Variants in SMARCA2 observed in about 807,000 individuals in gnomAD.
SMARCA2 encodes SWI/SNF-related matrix-associated actin-dependent regulator of chromatin subfamily A member 2.
SMARCA2 carries 61 observed loss-of-function variants against 199.8 expected under a neutral mutation model. That is an observed-to-expected ratio of 0.31 (90% confidence interval 0.25 to 0.38). The LOEUF (loss-of-function observed/expected upper bound fraction) is 0.38. Among genes scored for constraint, SMARCA2 ranks in the 10% least tolerant of loss-of-function variants. SMARCA2 has a pLI of 1.00. For synonymous variants in SMARCA2, 935 were observed against 732.0 expected (o/e 1.28, Z -4.48); for missense variants, 1,344 against 2,012.2 (o/e 0.67, Z 6.35).
chr9:2,098,818 G>A (rs1033965066), intron 21 of SMARCA2, among the ~76,000 whole-genome samples: 7 of 151,994 alleles, frequency 4.6e-5, no homozygotes, highest in African/African-American at 7.3e-5. Context: ...GTCGTGGCAG[G>A]CACCTGTAAT....
chr9:2,098,834 C>A (rs1452539723), intron 21 of SMARCA2, among the ~76,000 whole-genome samples: 1 of 151,836 alleles, frequency 6.6e-6, no homozygotes, highest in East Asian at 1.9e-4. Flanking sequence ...GTAATCCTAG[C>A]TATTCAGGAG....
intron 29 of SMARCA2, among the ~76,000 whole-genome samples, chr9:2,176,630 C>T (rs771067901): frequency 2.6e-5 from 4 of 152,134 alleles, no homozygotes; most frequent in East Asian, 1.9e-4. Flanking sequence ...CAGCTCGCTG[C>T]GACCTCTGCC....
chr9:2,025,754 A>G (rs1383939416), intron 1 of SMARCA2, among the ~76,000 whole-genome samples: 1 of 152,166 alleles, frequency 6.6e-6, no homozygotes, highest in Non-Finnish European at 1.5e-5. Flanking sequence ...AGGTTTCTTC[A>G]TACTGTGGGA....
intron 27 of SMARCA2, among the ~76,000 whole-genome samples, chr9:2,126,060 G>C (rs35722495): frequency 0.089 from 13,616 of 152,188 alleles, 1,139 homozygotes; most frequent in African/African-American, 0.23. Flanking sequence ...GAAAATGAAA[G>C]TACAGCCTTA....
intron 21 of SMARCA2, among the ~76,000 whole-genome samples, chr9:2,098,959 A>AG (rs1554625879): frequency 6.6e-6 from 1 of 151,280 alleles, no homozygotes; most frequent in Non-Finnish European, 1.5e-5. Flanking sequence ...AAAAAAAAAA[A>AG]AAAGTCACAG....
chr9:2,110,217 G>A lies in SMARCA2; in HGVS notation c.3293-37G>A, dbSNP rs934227266. 1 of 1,536,322 alleles carries A rather than the reference G, an allele frequency of 6.5e-7. No individual in the cohort carries two copies. On this transcript the variant is annotated intron_variant, in intron 23 of 33. Transcript: ENST00000349721. The surrounding 1 kb of genome is among the most constrained non-coding windows in gnomAD (Gnocchi z 4.8). Reference sequence around the variant, plus strand: ...CTCATTCTGTGCCATTTTCAGACAAGAGTTAATTGGCAAATTAATTTTTCT... The same window carrying A: ...CTCATTCTGTGCCATTTTCAGACAAAAGTTAATTGGCAAATTAATTTTTCT...
In SMARCA2 at chr9:2,029,219, C is replaced by A; in HGVS notation, c.197C>A (p.Pro66Gln). 6.2e-7 allele frequency: 1 copy of A among 1,612,520 alleles called. No individual in the cohort carries two copies. Among genetic ancestry groups the A allele is most frequent in the South Asian group, 1.1e-5 (1 of 90,666 alleles). The change falls in exon 2 of 34, where the codon CCA (proline) becomes CAA (glutamine). Residue 66 changes from proline to glutamine, a missense_variant. This residue lies in a region of SMARCA2 where 275 missense variants were observed against 247.5 expected (regional missense o/e 1.11). Transcript: ENST00000349721. ...PMPTMGSTDFPQEGMHQMHKP... is the reference protein window; with the variant it reads ...PMPTMGSTDFQQEGMHQMHKP... ...CCGACGATGGGGTCCACAGACTTCC[C>A]ACAGGAAGGCATGCATCAAATGCAT... is the stretch of plus-strand genomic sequence containing the variant.
chr9:2,092,296 C>T (rs748496574), intron 19 of SMARCA2, among the ~76,000 whole-genome samples: 13 of 152,116 alleles, frequency 8.5e-5, no homozygotes, highest in Non-Finnish European at 1.6e-4. Context: ...AATCCTGATT[C>T]TGATATAATT....
At chr9:2,132,275 C>G (rs945489192) in intron 27 of SMARCA2, among the ~76,000 whole-genome samples, 9 of 152,210 alleles carry the variant, frequency 5.9e-5, no homozygotes, top group African/African-American at 2.2e-4. Context: ...GGATTTTTCT[C>G]TGCCTAGAGA....
intron 10 of SMARCA2, chr9:2,072,047 G>GT (rs948093153): frequency 1.3e-5 from 2 of 152,170 alleles, no homozygotes; most frequent in African/African-American, 4.8e-5. Context: ...TGTTGAGGGT[G>GT]TAAGGGGAAA....
At chr9:2,067,997 T>C (rs887718936) in intron 9 of SMARCA2, among the ~76,000 whole-genome samples, 2 of 152,232 alleles carry the variant, frequency 1.3e-5, no homozygotes, top group African/African-American at 4.8e-5. Flanking sequence ...ATATTTGAAA[T>C]TGGCTTATTC....
intron 33 of SMARCA2, chr9:2,192,364 T>C (rs911681903): frequency 7.1e-6 from 2 of 282,178 alleles, no homozygotes; most frequent in African/African-American, 4.6e-5. Context: ...CTTTAGGAGA[T>C]GTCAAATGCA....
chr9:2,086,921 C>T lies in SMARCA2; in HGVS notation c.2619C>T (p.Ala873=), dbSNP rs1821824987. 1 of 1,614,022 alleles carries T rather than the reference C, an allele frequency of 6.2e-7. No individual in the cohort carries two copies. The highest frequency in any genetic ancestry group is 1.3e-5 in the African/African-American group (1 of 74,916). The change falls in exon 18 of 34, where the codon GCC becomes GCT. Residue 873 remains alanine, a synonymous_variant. Coordinates refer to ENST00000349721, the MANE Select transcript of SMARCA2 (RefSeq NM_003070.5). The surrounding 1 kb of genome is among the most constrained non-coding windows in gnomAD (Gnocchi z 4.3). The stretch of plus-strand genomic sequence containing the variant: ...AGGTCTTGAACACTCACTATGTGGC[C>T]CCCAGAAGGATCCTCTTGACTGGGA... ...LTQVLNTHYV[A]PRRILLTGTP... is the part of the protein sequence containing the mutation.
In SMARCA2 at chr9:2,029,257, TG is replaced by T. The variant is rs1166707005; in HGVS notation, c.225+11del. 7 of 1,604,080 alleles carry T rather than the reference TG, an allele frequency of 4.4e-6. No homozygotes were observed. The highest frequency in any genetic ancestry group is 6.0e-6 in the Non-Finnish European group (7 of 1,174,332). On this transcript the variant is annotated intron_variant, in intron 2 of 33. Transcript: ENST00000349721. ...GCATCAAATGCATAAGGTAAGAGTT[TG>T]TTCTCCCATTCAAACTCAACTTCTG...
chr9:2,189,895 G>T (rs1014294683), intron 32 of SMARCA2, among the ~76,000 whole-genome samples: 6 of 144,546 alleles, frequency 4.2e-5, no homozygotes, highest in African/African-American at 1.7e-4. Context: ...CTTCACAAAA[G>T]AAGTCTGAAA....
chr9:2,162,744 T>A (rs1825745831), intron 28 of SMARCA2: 2 of 152,210 alleles, frequency 1.3e-5, no homozygotes, highest in Non-Finnish European at 2.9e-5. Context: ...AATTACCAAT[T>A]GAAAAAAATT....
chr9:2,062,039 C>T (rs1820615332), intron 9 of SMARCA2, among the ~76,000 whole-genome samples: 1 of 152,140 alleles, frequency 6.6e-6, no homozygotes, highest in African/African-American at 2.4e-5. Context: ...CTGTGCAAAA[C>T]TCCAGCTCCA....
Position 2,056,614 on chromosome 9 carries a change from G to C in SMARCA2, c.1174-58G>C. The C allele has an allele frequency of 6.6e-7, 1 of 1,518,056 alleles. No homozygotes were observed. Among genetic ancestry groups the C allele is most frequent in the Non-Finnish European group, 8.9e-7 (1 of 1,122,044 alleles). 94.0% of individuals were successfully genotyped at this position (1,518,056 alleles called of 1,614,324 possible). Reference sequence around the variant, plus strand: ...ATTAAATGCAACCGCGAGAAGGCCAGAGTTCAGGAACCTAGCTTCTGTTAG... The same window carrying C: ...ATTAAATGCAACCGCGAGAAGGCCACAGTTCAGGAACCTAGCTTCTGTTAG... On this transcript the variant is annotated intron_variant, in intron 6 of 33. Transcript: ENST00000349721. This position sits in a 1 kb window ranked among gnomAD's most constrained non-coding sequence, Gnocchi z 4.0.
chr9:2,019,567 C>T (rs1048465349), intron 1 of SMARCA2, among the ~76,000 whole-genome samples: 1 of 150,684 alleles, frequency 6.6e-6, no homozygotes, highest in African/African-American at 2.4e-5. Flanking sequence ...TAAAGTATTC[C>T]TGACATGGTA....
Sources: allele counts gnomAD v4.1 joint callset (sites outside exome capture counted in the v4.1 genomes callset), GRCh38; gene constraint gnomAD v4.1.1; regional missense constraint gnomAD v4.1.1; non-coding constraint Gnocchi (gnomAD v3.1); transcripts MANE v1.5; gene names NCBI Gene and HGNC (gene_info 2026-07-23, HGNC 2026-07-21).